The following PRKAR1B variants were observed in gnomAD, a reference collection of about 807,000 sequenced individuals.
PRKAR1B encodes the protein protein kinase cAMP-dependent type I regulatory subunit beta.
PRKAR1B carries 22 observed loss-of-function variants against 46.5 expected under a neutral mutation model. The ratio of observed to expected loss-of-function variants is 0.47; its 90% CI spans 0.34 to 0.68. PRKAR1B has a LOEUF of 0.68. Among genes scored for constraint, PRKAR1B ranks in the 30% least tolerant of loss-of-function variants. The pLI is 0.01. For missense variants in PRKAR1B, 445 were observed against 535.6 expected (o/e 0.83, Z 1.67); for synonymous variants, 259 against 217.7 (o/e 1.19, Z -1.67).
intron 4 of PRKAR1B, among the ~76,000 whole-genome samples, chr7:623,964 C>T (rs1783245867): frequency 6.6e-6 from 1 of 152,120 alleles, no homozygotes; most frequent in Non-Finnish European, 1.5e-5. Context: ...TCTGTACATT[C>T]TTGGGCTTCC....
rs747374330 is a variant in PRKAR1B at position 714,520 on chromosome 7, C to T, written c.-22-2993G>A. Among the ~76,000 whole-genome samples the T allele has an allele frequency of 6.6e-5, 10 of 152,218 alleles. No homozygotes were observed. The highest frequency in any genetic ancestry group is 1.0e-4 in the Non-Finnish European group (7 of 68,040). Reference sequence around the variant, plus strand: ...TGCTGAGCTCCTCTCCTCATTGCCACGACGGCAGCTCCCACTGCCTCTCTC... The same window carrying T: ...TGCTGAGCTCCTCTCCTCATTGCCATGACGGCAGCTCCCACTGCCTCTCTC... On this transcript the variant is annotated intron_variant, in intron 1 of 10. Coordinates refer to ENST00000537384, the MANE Select transcript of PRKAR1B (RefSeq NM_001164760.2). This position sits in a 1 kb window ranked among gnomAD's most constrained non-coding sequence, Gnocchi z 4.3.
At chr7:688,204 C>T (rs1779206636) in intron 2 of PRKAR1B, among the ~76,000 whole-genome samples, 1 of 151,634 alleles carries the variant, frequency 6.6e-6, no homozygotes, top group African/African-American at 2.4e-5. Flanking sequence ...AGTTCGAGAC[C>T]AACCTGGTTA....
intron 4 of PRKAR1B, among the ~76,000 whole-genome samples, chr7:612,927 A>T (rs1410790545): frequency 6.6e-6 from 1 of 152,184 alleles, no homozygotes; most frequent in East Asian, 1.9e-4. Context: ...AACGACAATG[A>T]AAAGATGTGT....
chr7:670,475 C>T (rs1338240808), intron 4 of PRKAR1B, among the ~76,000 whole-genome samples: 2 of 152,228 alleles, frequency 1.3e-5, no homozygotes, highest in Admixed American at 6.5e-5. Flanking sequence ...TCTGAGCTCC[C>T]CCATGCCACA....
At chr7:583,670 A>C (rs925892356) in intron 8 of PRKAR1B, among the ~76,000 whole-genome samples, 1 of 135,222 alleles carries the variant, frequency 7.4e-6, no homozygotes, top group African/African-American at 3.0e-5. Flanking sequence ...GCACACACCC[A>C]CACACAACCC....
chr7:715,427 C>T (rs1343479911), intron 1 of PRKAR1B, among the ~76,000 whole-genome samples: 1 of 152,122 alleles, frequency 6.6e-6, no homozygotes, highest in Non-Finnish European at 1.5e-5. Flanking sequence ...CGCCACCCTG[C>T]CACACGGTGA....
At chr7:707,406 C>T (rs1321713069) in intron 2 of PRKAR1B, among the ~76,000 whole-genome samples, 1 of 152,130 alleles carries the variant, frequency 6.6e-6, no homozygotes, top group Non-Finnish European at 1.5e-5. Context: ...GGAATTGTAC[C>T]ATAGATCCTG....
At chr7:640,023 C>A (rs182390390) in intron 4 of PRKAR1B, among the ~76,000 whole-genome samples, 3 of 151,612 alleles carry the variant, frequency 2.0e-5, no homozygotes, top group Non-Finnish European at 4.4e-5. Context: ...GTTAGCCAGG[C>A]GTGGTGGCAT....
intron 4 of PRKAR1B, among the ~76,000 whole-genome samples, chr7:641,341 C>T (rs955566784): frequency 6.6e-6 from 1 of 152,224 alleles, no homozygotes; most frequent in Non-Finnish European, 1.5e-5. Flanking sequence ...TACGTTCACA[C>T]AGACACGCAT....
At chr7:635,547 C>T (rs1783999198) in intron 4 of PRKAR1B, among the ~76,000 whole-genome samples, 1 of 152,194 alleles carries the variant, frequency 6.6e-6, no homozygotes. Context: ...CCTTGGCAGC[C>T]CTAGGCCTCT....
chr7:726,509 G>A (rs998548509), intron 1 of PRKAR1B: 2 of 388,798 alleles, frequency 5.1e-6, no homozygotes, highest in Non-Finnish European at 9.0e-6. Flanking sequence ...GTACAATGGG[G>A]ACAGGACAAG....
intron 4 of PRKAR1B, among the ~76,000 whole-genome samples, chr7:668,775 A>G (rs940218492): frequency 2.6e-5 from 4 of 152,176 alleles, no homozygotes; most frequent in Non-Finnish European, 4.4e-5. Context: ...TGGCCCTAAA[A>G]TAAGAGCTTT....
intron 4 of PRKAR1B, among the ~76,000 whole-genome samples, chr7:643,333 C>T (rs1028064307): frequency 4.6e-5 from 7 of 151,434 alleles, no homozygotes; most frequent in Admixed American, 2.0e-4. Context: ...GCGCGAGGCA[C>T]GGGGAATCCC....
rs182940896 is a variant in PRKAR1B, at chr7:689,847, T to C, written c.178-9121A>G. Among the ~76,000 whole-genome samples, 442 of 151,794 alleles carry C rather than the reference T, an allele frequency of 2.9e-3. 5 individuals are homozygous for C. The highest frequency in any genetic ancestry group is 0.01 in the African/African-American group (427 of 41,326). On this transcript the variant is annotated intron_variant, in intron 2 of 10. Transcript: ENST00000537384. ...GGCACCCACCACCAAGCCTGGCTAA[T>C]TTTTTTGTATTTTTAGTAGAGAACT...
At chr7:707,771 C>A (rs67776935) in intron 2 of PRKAR1B, among the ~76,000 whole-genome samples, 69,014 of 151,890 alleles carry the variant, frequency 0.45, 15,906 homozygotes, top group Non-Finnish European at 0.47. Flanking sequence ...CCAGCCTGGA[C>A]CACCCACAAT....
At chr7:627,114 C>T (rs1181950052) in intron 4 of PRKAR1B, among the ~76,000 whole-genome samples, 5 of 152,130 alleles carry the variant, frequency 3.3e-5, no homozygotes, top group Non-Finnish European at 5.9e-5. Flanking sequence ...ACCTCGTGAT[C>T]CGCCCACCTC....
chr7:585,095 C>A (rs1005732435), intron 7 of PRKAR1B, among the ~76,000 whole-genome samples: 6 of 152,204 alleles, frequency 3.9e-5, no homozygotes, highest in African/African-American at 1.4e-4. Flanking sequence ...CATGCTGAAT[C>A]ATACAATACC....
intron 6 of PRKAR1B, among the ~76,000 whole-genome samples, chr7:605,911 CA>C (rs1440121081): frequency 6.6e-6 from 1 of 152,212 alleles, no homozygotes; most frequent in Non-Finnish European, 1.5e-5. Context: ...CCGCCCTGGC[CA>C]GCCCCAGCAG....
chr7:582,813 C>T (rs1050388866), intron 8 of PRKAR1B, among the ~76,000 whole-genome samples: 8 of 152,238 alleles, frequency 5.3e-5, no homozygotes, highest in Admixed American at 3.9e-4. Context: ...TGAAAGGCAG[C>T]GGGACGCCCA....
Sources: allele counts gnomAD v4.1 joint callset (sites outside exome capture counted in the v4.1 genomes callset), GRCh38; gene constraint gnomAD v4.1.1; non-coding constraint Gnocchi (gnomAD v3.1); transcripts MANE v1.5; gene names NCBI Gene and HGNC (gene_info 2026-07-23, HGNC 2026-07-21).